Variants in WDR59 observed in about 807,000 individuals in gnomAD.
WDR59 encodes WD repeat domain 59.
In WDR59, 100 loss-of-function variants were observed where a neutral mutation model predicts 131.2. That is an observed-to-expected ratio of 0.76 (90% CI 0.65 to 0.90). The LOEUF (loss-of-function observed/expected upper bound fraction) is 0.90, where lower values mean the gene tolerates loss of function less well. Ranked by LOEUF, WDR59 falls within the 40% of genes least tolerant of loss-of-function variation. The pLI, the probability that WDR59 is intolerant of heterozygous loss-of-function variation, is 0.00. For synonymous variants in WDR59, 601 were observed against 466.2 expected (o/e 1.29, Z -3.72); for missense variants, 1,203 against 1,262.2 (o/e 0.95, Z 0.71).
intron 25 of WDR59, among the ~76,000 whole-genome samples, chr16:74,878,347 T>C (rs1964317687): frequency 1.3e-5 from 2 of 152,368 alleles, no homozygotes; most frequent in African/African-American, 2.4e-5. Context: ...ATTTGTTTTA[T>C]GTTTAAAATA....
Position 74,886,842 on chromosome 16 carries a change from G to A in WDR59, c.2420-446C>T, listed in dbSNP as rs370154967. Among the ~76,000 whole-genome samples, 9 of 152,092 alleles carry A rather than the reference G, an allele frequency of 5.9e-5. No homozygotes were observed. In the East Asian group the frequency reaches 7.7e-4, roughly 13 times the overall value. On this transcript the variant is annotated intron_variant, in intron 23 of 25. Transcript: ENST00000262144. ...GGAGGCTGAGGCAGGAGAATCGCTCGAACCTGGGAGGCAGAGGGGGCAGTG... is the reference window on the plus strand; with the variant it reads ...GGAGGCTGAGGCAGGAGAATCGCTCAAACCTGGGAGGCAGAGGGGGCAGTG...
chr16:74,941,075 T>C (rs1392625809), intron 7 of WDR59, among the ~76,000 whole-genome samples: 1 of 151,694 alleles, frequency 6.6e-6, no homozygotes, highest in African/African-American at 2.4e-5. Flanking sequence ...CCAGGAGCAG[T>C]GGCTCATGTC....
At chr16:74,912,837 G>A (rs143179412) in intron 13 of WDR59, among the ~76,000 whole-genome samples, 318 of 152,334 alleles carry the variant, frequency 2.1e-3, no homozygotes, top group Non-Finnish European at 3.8e-3. Context: ...GGGATGGGCT[G>A]TGGCTAGCTA....
At chr16:74,982,151 A>G (rs893606787) in intron 1 of WDR59, among the ~76,000 whole-genome samples, 14 of 150,636 alleles carry the variant, frequency 9.3e-5, no homozygotes, top group Non-Finnish European at 1.8e-4. Flanking sequence ...ATTTTTTAAT[A>G]AAATTATTAT....
rs2032883866 is a variant in WDR59 at position 74,949,749 on chromosome 16, C to A, written c.376G>T (p.Val126Leu). The part of the protein sequence containing the change: ...FEPDLLVTSS[V>L]DTYIYIWDIK... ...TCCCAAATGTAGATGTAGGTGTCCA[C>A]AGAGCTGGTAACCAGGAGGTCAGGC... Residue 126 changes from valine (V) to leucine (L), a missense_variant, in exon 5 of 26, where the codon GTG (valine) becomes TTG (leucine). Physicochemically the swap from Val to Leu is conservative, Grantham distance 32. Transcript: ENST00000262144. 1 of 1,613,968 alleles carries A rather than the reference C, an allele frequency of 6.2e-7. No individual in the cohort carries two copies.
At chr16:74,982,637 C>T (rs1435295807) in intron 1 of WDR59, among the ~76,000 whole-genome samples, 1 of 152,118 alleles carries the variant, frequency 6.6e-6, no homozygotes, top group East Asian at 1.9e-4. Flanking sequence ...GTCCTAGTTG[C>T]CAGTAAAAGC....
At chr16:74,984,813 A>G in intron 1 of WDR59, 151 bp downstream of exon 1, 2 of 1,093,348 alleles carry the variant, frequency 1.8e-6, no homozygotes, top group Non-Finnish European at 2.6e-6. Flanking sequence ...CCCTCCCCCG[A>G]CGGGGCCTAA....
chr16:74,981,647 TATATATATA>T (rs1258512347), intron 1 of WDR59, among the ~76,000 whole-genome samples: 769 of 7,490 alleles, frequency 0.1, 71 homozygotes, highest in Middle Eastern at 0.5. Flanking sequence ...TATATATATA[TATATATATA>T]TATATTTTTT....
At chr16:74,885,904 G>T in intron 24 of WDR59, 109 bp from the exon 25 acceptor site, 1 of 1,349,540 alleles carries the variant, frequency 7.4e-7, no homozygotes, top group Non-Finnish European at 1.0e-6. Flanking sequence ...GGCCAGGCAC[G>T]GTGGCTAACA....
chr16:74,935,286 T>G (rs2031711139), intron 8 of WDR59, among the ~76,000 whole-genome samples: 1 of 151,954 alleles, frequency 6.6e-6, no homozygotes, highest in African/African-American at 2.4e-5. Flanking sequence ...TCTCTTTGTC[T>G]AGAAGGCAGC....
chr16:74,978,118 G>A (rs1004978004), intron 1 of WDR59, among the ~76,000 whole-genome samples: 1 of 152,114 alleles, frequency 6.6e-6, no homozygotes, highest in African/African-American at 2.4e-5. Flanking sequence ...CACTTTGGGA[G>A]GCCAAGGTGG....
chr16:74,876,573 G>A (rs80233918), intron 25 of WDR59, among the ~76,000 whole-genome samples: 4,265 of 152,090 alleles, frequency 0.028, 174 homozygotes, highest in African/African-American at 0.094. Flanking sequence ...ACAGTGAATC[G>A]GATTAAATAT....
intron 2 of WDR59, among the ~76,000 whole-genome samples, chr16:74,962,452 T>C (rs1437801776): frequency 6.6e-6 from 1 of 152,200 alleles, no homozygotes; most frequent in Non-Finnish European, 1.5e-5. Flanking sequence ...CTGTCCTCTC[T>C]GATTTCCTTG....
chr16:74,974,477 G>T (rs910670455), intron 1 of WDR59, among the ~76,000 whole-genome samples: 2 of 152,170 alleles, frequency 1.3e-5, no homozygotes, highest in African/African-American at 4.8e-5. Context: ...AATCCTCACA[G>T]CTAGTCTACA....
Position 74,949,769 on chromosome 16 carries a change from T to G in WDR59, c.356A>C (p.Asp119Ala). The G allele has an allele frequency of 1.2e-6, 2 of 1,613,756 alleles. No individual in the cohort carries two copies. The highest frequency in any genetic ancestry group is 1.7e-6 in the Non-Finnish European group (2 of 1,179,906). ...SDLDWAVFEPDLLVTSSVDTY... is the reference protein window; with the variant it reads ...SDLDWAVFEPALLVTSSVDTY... Reference sequence around the variant, plus strand: ...GTCCACAGAGCTGGTAACCAGGAGGTCAGGCTCAAACACCGCCCAGTCCAA... The same window carrying G: ...GTCCACAGAGCTGGTAACCAGGAGGGCAGGCTCAAACACCGCCCAGTCCAA... The change falls in exon 5 of 26, where the codon GAC (aspartate) becomes GCC (alanine). Residue 119 changes from aspartate to alanine, a missense_variant. Coordinates refer to ENST00000262144, the MANE Select transcript of WDR59 (RefSeq NM_030581.4).
intron 7 of WDR59, 33 bp from the exon 8 acceptor site, chr16:74,938,299 T>C: frequency 7.2e-7 from 1 of 1,395,700 alleles, no homozygotes; most frequent in Non-Finnish European, 9.5e-7. Context: ...ATTATCGATT[T>C]AGAAAGAACT....
At chr16:74,978,320 C>CAA (rs1182301591) in intron 1 of WDR59, among the ~76,000 whole-genome samples, 5,414 of 47,678 alleles carry the variant, frequency 0.11, 247 homozygotes, top group Middle Eastern at 0.2. Context: ...GACTCTGTCT[C>CAA]AAAAAAAAAA....
intron 25 of WDR59, among the ~76,000 whole-genome samples, chr16:74,874,670 A>G (rs1250689981): frequency 6.6e-6 from 1 of 152,112 alleles, no homozygotes; most frequent in Non-Finnish European, 1.5e-5. Context: ...ATCTTGGCTC[A>G]CTGCAACCTT....
At chr16:74,918,538 G>A (rs1387447768) in intron 10 of WDR59, among the ~76,000 whole-genome samples, 1 of 152,180 alleles carries the variant, frequency 6.6e-6, no homozygotes, top group Non-Finnish European at 1.5e-5. Flanking sequence ...GTAAAGTGAT[G>A]TATCTCTTTG....
Sources: allele counts gnomAD v4.1 joint callset (sites outside exome capture counted in the v4.1 genomes callset), GRCh38; gene constraint gnomAD v4.1.1; transcripts MANE v1.5; gene names NCBI Gene and HGNC (gene_info 2026-07-23, HGNC 2026-07-21).